IRS2: variants seen among roughly 807,000 people sequenced by gnomAD.
IRS2 encodes the protein insulin receptor substrate 2.
A neutral mutation model predicts 70.9 loss-of-function variants in IRS2; 28 were observed. The ratio of observed to expected loss-of-function variants is 0.39; its 90% CI spans 0.29 to 0.54. The LOEUF is 0.54. IRS2 is among the 20% of genes least tolerant of loss of function. The pLI is 0.59. For synonymous variants in IRS2, 1,217 were observed against 981.9 expected (o/e 1.24, Z -4.48); for missense variants, 2,081 against 2,024.1 (o/e 1.03, Z -0.54).
chr13:109,771,703 A>C (rs989017959), intron 1 of IRS2, among the ~76,000 whole-genome samples: 1 of 152,262 alleles, frequency 6.6e-6, no homozygotes, highest in African/African-American at 2.4e-5. Context: ...AACTGAAGCA[A>C]AGCACTTTAG....
chr13:109,763,013 G>A (rs1028399117), intron 1 of IRS2, among the ~76,000 whole-genome samples: 2 of 152,192 alleles, frequency 1.3e-5, no homozygotes, highest in African/African-American at 4.8e-5. Flanking sequence ...GGGCACAGCC[G>A]TGCTCACGCA....
At position 109,784,348 on chromosome 13, in the gene IRS2, C is replaced by A. The variant is rs774779950; in HGVS notation, c.1706G>T (p.Arg569Leu). 2.5e-6 allele frequency: 4 copies of A among 1,608,836 alleles called. No homozygotes were observed. The African/African-American group carries it at 4.0e-5, about 16-fold the overall frequency. The change falls in exon 1 of 2, where the codon CGA becomes CTA. Residue 569 changes from arginine to leucine, a missense_variant. Physicochemically the swap from Arg to Leu is moderately radical, Grantham distance 102. This residue lies in a region of IRS2 where 1,615 missense variants were observed against 1,459.5 expected (regional missense o/e 1.11). Coordinates refer to ENST00000375856, the MANE Select transcript of IRS2 (RefSeq NM_003749.3). This position sits in a 1 kb window ranked among gnomAD's most constrained non-coding sequence, Gnocchi z 5.2. ...GGAGTAGGTCCTCTTGCGCAGCCCT[C>A]GGTCCAGGTCCTGGGCCGCGTCCCC... is the stretch of plus-strand genomic sequence containing the variant. ...VSGDAAQDLD[R>L]GLRKRTYSLT... is the part of the protein sequence containing the mutation.
Position 109,784,540 on chromosome 13 carries a change from G to A in IRS2, c.1514C>T (p.Ser505Phe), listed in dbSNP as rs2138936157. Residue 505 changes from serine to phenylalanine, a missense_variant, in exon 1 of 2, where the codon TCC becomes TTC. Ser to Phe is a radical substitution (Grantham distance 155). Around this residue, in one of 4 missense-constraint regions of IRS2, gnomAD observed 1,615 missense variants for 1,459.5 expected, o/e 1.11. Coordinates refer to ENST00000375856, the MANE Select transcript of IRS2 (RefSeq NM_003749.3). This position sits in a 1 kb window ranked among gnomAD's most constrained non-coding sequence, Gnocchi z 5.2. ...GAAGGCGCGCAGGTCGCCTGGGCTG[G>A]AGCCGTACTCGTCCAGGGACATGAA... ...PGFMSLDEYG[S>F]SPGDLRAFCS... 1 of 1,509,322 alleles carries A rather than the reference G, an allele frequency of 6.6e-7. No homozygotes were observed. Among genetic ancestry groups the A allele is most frequent in the Non-Finnish European group, 8.8e-7 (1 of 1,133,208 alleles). 93.5% of individuals were successfully genotyped at this position (1,509,322 alleles called of 1,614,324 possible).
rs1385528384 is a variant in IRS2, at chr13:109,786,174, G to T, written c.-121C>A. ...TGCGCCCGGCCGCCCGCCCGATCAC[G>T]CGTCCCTCGGGCCCAGGCGGTGGGG... On this transcript the variant is annotated 5_prime_UTR_variant, in exon 1 of 2. Transcript: ENST00000375856. This position sits in a 1 kb window ranked among gnomAD's most constrained non-coding sequence, Gnocchi z 4.4. 4 of 482,380 alleles carry T rather than the reference G, an allele frequency of 8.3e-6. No homozygotes were observed. The highest frequency in any genetic ancestry group is 6.6e-5 in the Admixed American group (1 of 15,192). 29.9% of individuals were successfully genotyped at this position (482,380 alleles called of 1,614,324 possible).
chr13:109,784,141 C>A lies in IRS2; in HGVS notation c.1913G>T (p.Gly638Val), dbSNP rs1877833377. 3.1e-6 allele frequency: 5 copies of A among 1,592,772 alleles called. No homozygotes were observed. The highest frequency in any genetic ancestry group is 4.3e-6 in the Non-Finnish European group (5 of 1,176,062). The change falls in exon 1 of 2, where the codon GGC becomes GTC. Residue 638 changes from glycine (G) to valine (V), a missense_variant. By Grantham distance (109) the Gly-to-Val change is moderately radical. This residue lies in a region of IRS2 where 1,615 missense variants were observed against 1,459.5 expected (regional missense o/e 1.11). Transcript: ENST00000375856. The surrounding 1 kb of genome is among the most constrained non-coding windows in gnomAD (Gnocchi z 5.2). ...YPEDYGDIEI[G>V]SHRSSSSNLG... The stretch of plus-strand genomic sequence containing the variant: ...GTTGCTGCTGGAGCTCCTGTGGGAG[C>A]CGATCTCGATGTCTCCGTAGTCCTC...
chr13:109,766,891 A>G (rs1258561910), intron 1 of IRS2, among the ~76,000 whole-genome samples: 1 of 152,274 alleles, frequency 6.6e-6, no homozygotes, highest in Non-Finnish European at 1.5e-5. Context: ...ATGCCCTTTC[A>G]GCCAAAATGC....
At chr13:109,780,824 A>AT (rs1226431475) in intron 1 of IRS2, among the ~76,000 whole-genome samples, 7 of 152,186 alleles carry the variant, frequency 4.6e-5, no homozygotes. Flanking sequence ...CAGCTACAAA[A>AT]TTAAATAAAG....
chr13:109,762,381 A>G (rs1877245717), intron 1 of IRS2, among the ~76,000 whole-genome samples: 1 of 152,218 alleles, frequency 6.6e-6, no homozygotes, highest in African/African-American at 2.4e-5. Flanking sequence ...CCAGACCAGG[A>G]AGCACGAACA....
chr13:109,765,139 TC>T (rs1220689473), intron 1 of IRS2, among the ~76,000 whole-genome samples: 1 of 152,146 alleles, frequency 6.6e-6, no homozygotes, highest in Non-Finnish European at 1.5e-5. Context: ...GGACAGCACT[TC>T]CCTTCTCTCT....
In IRS2 at chr13:109,763,975, T is replaced by C. The variant is rs111840253; in HGVS notation, c.4013-7667A>G. ...CTCGGTCTATAACATCTATGTGATA[T>C]AGGATTTCAGCTTTGTCTCTCCAGG... On this transcript the variant is annotated intron_variant, in intron 1 of 1. Transcript: ENST00000375856. 1.3e-3 allele frequency among the ~76,000 whole-genome samples: 199 copies of C among 152,336 alleles called. 3 individuals carry two copies. Among genetic ancestry groups the C allele is most frequent in the African/African-American group, 4.4e-3 (185 of 41,574 alleles).
At chr13:109,765,291 T>C (rs925365289) in intron 1 of IRS2, among the ~76,000 whole-genome samples, 8 of 152,182 alleles carry the variant, frequency 5.3e-5, no homozygotes, top group Admixed American at 3.9e-4. Context: ...CTACCAACTA[T>C]ATAAAGTTCA....
Position 109,753,869 on chromosome 13 carries a change from G to T in IRS2, c.*2435C>A, listed in dbSNP as rs1376571905. 1 of 227,260 alleles carries T rather than the reference G, an allele frequency of 4.4e-6. No homozygotes were observed. The highest frequency in any genetic ancestry group is 1.8e-4 in the South Asian group (1 of 5,462). 14.1% of individuals were successfully genotyped at this position (227,260 alleles called of 1,614,324 possible). A position where few individuals can be genotyped will look rare whatever the true frequency, so the allele number is the denominator to read the frequency against. On this transcript the variant is annotated 3_prime_UTR_variant, in exon 2 of 2. Coordinates refer to ENST00000375856, the MANE Select transcript of IRS2 (RefSeq NM_003749.3). Reference sequence around the variant, plus strand: ...CATAAATAATGTACTTTATTTTATTGCATATGGCTATTAAGGAGGGCATCC... The same window carrying T: ...CATAAATAATGTACTTTATTTTATTTCATATGGCTATTAAGGAGGGCATCC...
chr13:109,784,494 C>A lies in IRS2; in HGVS notation c.1560G>T (p.Thr520=), dbSNP rs1263338889. 1.0e-5 allele frequency: 16 copies of A among 1,563,052 alleles called. No homozygotes were observed. The East Asian group carries it at 3.7e-4, about 36-fold the overall frequency. Residue 520 remains threonine (T), a synonymous_variant, in exon 1 of 2, where the codon ACG becomes ACT. Transcript: ENST00000375856. This position sits in a 1 kb window ranked among gnomAD's most constrained non-coding sequence, Gnocchi z 5.2. ...LRAFCSHRSN[T]PESIAETPPA... Reference sequence around the variant, plus strand: ...GGGGCGTCTCCGCGATGGACTCGGGCGTGTTGCTTCGGTGGCTGCAGAAGG... The same window carrying A: ...GGGGCGTCTCCGCGATGGACTCGGGAGTGTTGCTTCGGTGGCTGCAGAAGG...
chr13:109,772,921 TC>T (rs1226286248), intron 1 of IRS2, among the ~76,000 whole-genome samples: 1 of 151,834 alleles, frequency 6.6e-6, no homozygotes, highest in African/African-American at 2.4e-5. Context: ...GGTCTCGATC[TC>T]CTGACCTCAT....
chr13:109,769,730 C>T (rs991551975), intron 1 of IRS2, among the ~76,000 whole-genome samples: 2 of 152,158 alleles, frequency 1.3e-5, no homozygotes, highest in African/African-American at 4.8e-5. Context: ...TTCTGTTATT[C>T]TTTTTAGCTT....
chr13:109,776,844 G>A (rs9559655), intron 1 of IRS2, among the ~76,000 whole-genome samples: 150,951 of 152,356 alleles, frequency 0.99, 74,803 homozygotes, highest in East Asian at 1. Flanking sequence ...AACCACTGCA[G>A]TCTTGAAGAA....
chr13:109,758,270 C>A, intron 1 of IRS2, among the ~76,000 whole-genome samples: 1 of 59,928 alleles, frequency 1.7e-5, no homozygotes, highest in East Asian at 4.8e-4. Flanking sequence ...GGAAGAATCC[C>A]ATGGCCACCA....
Position 109,783,656 on chromosome 13 carries a change from C to T in IRS2, c.2398G>A (p.Gly800Ser), listed in dbSNP as rs1288149492. 1.3e-6 allele frequency: 2 copies of T among 1,554,980 alleles called. No individual in the cohort carries two copies. The highest frequency in any genetic ancestry group is 4.8e-5 in the East Asian group (2 of 41,420). ...PGGEPLRGVPGCCYSSLPRSY... is the reference protein window; with the variant it reads ...PGGEPLRGVPSCCYSSLPRSY... The stretch of plus-strand genomic sequence containing the variant: ...CGGGGCAAGGAGCTGTAGCAGCAGC[C>T]GGGAACGCCCCTGAGCGGCTCCCCG... The change falls in exon 1 of 2, where the codon GGC becomes AGC. Residue 800 changes from glycine to serine, a missense_variant. By Grantham distance (56) the Gly-to-Ser change is moderately conservative (BLOSUM62 0). This residue lies in a region of IRS2 where 1,615 missense variants were observed against 1,459.5 expected (regional missense o/e 1.11). Transcript: ENST00000375856.
chr13:109,757,918 G>T (rs896698732), intron 1 of IRS2, among the ~76,000 whole-genome samples: 1 of 148,868 alleles, frequency 6.7e-6, no homozygotes, highest in African/African-American at 2.6e-5. Flanking sequence ...CTGACCTCAG[G>T]TGATCCACCC....
Sources: allele counts gnomAD v4.1 joint callset (sites outside exome capture counted in the v4.1 genomes callset), GRCh38; gene constraint gnomAD v4.1.1; regional missense constraint gnomAD v4.1.1; non-coding constraint Gnocchi (gnomAD v3.1); transcripts MANE v1.5; gene names NCBI Gene and HGNC (gene_info 2026-07-23, HGNC 2026-07-21).